CA8: variants seen among roughly 807,000 people sequenced by gnomAD.
CA8 encodes carbonic anhydrase-related protein.
A neutral mutation model predicts 41.4 loss-of-function variants in CA8; 22 were observed. The ratio of observed to expected loss-of-function variants is 0.53; its 90% CI spans 0.38 to 0.76. The LOEUF is 0.76. CA8 is among the 30% of genes least tolerant of loss of function. CA8 has a pLI of 0.00. For missense variants in CA8, 270 were observed against 352.8 expected (o/e 0.77, Z 1.88); for synonymous variants, 121 against 130.6 (o/e 0.93, Z 0.50).
At chr8:60,204,271 G>GA (rs1227546209) in intron 8 of CA8, among the ~76,000 whole-genome samples, 1 of 152,132 alleles carries the variant, frequency 6.6e-6, no homozygotes, top group Non-Finnish European at 1.5e-5. Flanking sequence ...TTTCCTTATG[G>GA]AAAAATATAT....
At chr8:60,269,331 T>C (rs1189149051) in intron 2 of CA8, among the ~76,000 whole-genome samples, 2 of 152,192 alleles carry the variant, frequency 1.3e-5, no homozygotes. Flanking sequence ...GGTCACTACA[T>C]GGCAGGTTTA....
chr8:60,209,446 T>C (rs56303871), intron 7 of CA8, among the ~76,000 whole-genome samples: 2,410 of 152,270 alleles, frequency 0.016, 76 homozygotes, highest in African/African-American at 0.055. Flanking sequence ...GATCACACCG[T>C]TGCACTCCAG....
chr8:60,264,390 C>G (rs7836637), intron 3 of CA8, among the ~76,000 whole-genome samples: 3 of 152,212 alleles, frequency 2.0e-5, no homozygotes, highest in African/African-American at 7.2e-5. Flanking sequence ...AGGGCAAAGG[C>G]GCTGACAGTC....
intron 2 of CA8, among the ~76,000 whole-genome samples, chr8:60,270,206 T>C (rs1218463047): frequency 6.6e-6 from 1 of 152,174 alleles, no homozygotes; most frequent in African/African-American, 2.4e-5. Context: ...TCGTGCAGTA[T>C]CTGCACAGAT....
chr8:60,265,358 A>G (rs1429195310), intron 3 of CA8: 3 of 156,708 alleles, frequency 1.9e-5, no homozygotes, highest in African/African-American at 7.2e-5. Flanking sequence ...AAACTAGAGA[A>G]AAGTCCCACA....
intron 8 of CA8, among the ~76,000 whole-genome samples, chr8:60,192,516 T>G (rs1806158905): frequency 6.6e-6 from 1 of 152,168 alleles, no homozygotes; most frequent in South Asian, 2.1e-4. Context: ...TGCCATGTGT[T>G]GGAAGTTTAC....
At chr8:60,238,885 T>A (rs1807924613) in intron 3 of CA8, among the ~76,000 whole-genome samples, 1 of 151,990 alleles carries the variant, frequency 6.6e-6, no homozygotes, top group African/African-American at 2.4e-5. Context: ...AGACAAATCC[T>A]ACCTGTCCTC....
At chr8:60,273,900 T>A (rs1265697601) in intron 2 of CA8, among the ~76,000 whole-genome samples, 1 of 152,234 alleles carries the variant, frequency 6.6e-6, no homozygotes, top group Non-Finnish European at 1.5e-5. Flanking sequence ...CCAGATGGGA[T>A]TATATATACA....
intron 3 of CA8, among the ~76,000 whole-genome samples, chr8:60,249,716 A>G (rs1190483153): frequency 6.6e-6 from 1 of 152,214 alleles, no homozygotes; most frequent in Non-Finnish European, 1.5e-5. Context: ...CCCAAAAATA[A>G]AGACATGAAG....
intron 4 of CA8, among the ~76,000 whole-genome samples, chr8:60,232,058 T>G (rs1490455068): frequency 1.3e-5 from 2 of 152,190 alleles, no homozygotes; most frequent in East Asian, 3.8e-4. Flanking sequence ...AGACCCTGAA[T>G]GCTACTCTGA....
chr8:60,243,579 A>G (rs1288008607), intron 3 of CA8, among the ~76,000 whole-genome samples: 2 of 152,000 alleles, frequency 1.3e-5, no homozygotes, highest in East Asian at 1.9e-4. Context: ...CTCTTGTCCC[A>G]TCAGTTTAGT....
At chr8:60,216,394 G>C (rs1488190400) in intron 7 of CA8, among the ~76,000 whole-genome samples, 3 of 152,212 alleles carry the variant, frequency 2.0e-5, no homozygotes, top group Non-Finnish European at 4.4e-5. Context: ...CCTCTGAACA[G>C]ATGCTATGAT....
intron 3 of CA8, among the ~76,000 whole-genome samples, chr8:60,255,430 T>C (rs146274653): frequency 0.013 from 1,980 of 152,338 alleles, 18 homozygotes; most frequent in Non-Finnish European, 0.02. Flanking sequence ...AAGGGATCTC[T>C]TTATTGGATC....
intron 7 of CA8, among the ~76,000 whole-genome samples, chr8:60,219,004 A>G (rs1011952660): frequency 3.8e-4 from 57 of 151,830 alleles, no homozygotes; most frequent in African/African-American, 1.3e-3. Flanking sequence ...AGTGCATTGC[A>G]CGGGGTCCTA....
At chr8:60,222,501 A>T in intron 7 of CA8, 148 bp downstream of exon 7, 1 of 684,328 alleles carries the variant, frequency 1.5e-6, no homozygotes, top group Non-Finnish European at 2.7e-6. Context: ...CCTTTCAATC[A>T]CTTTCACTAG....
chr8:60,189,391 A>G lies in CA8; in HGVS notation c.*630T>C, dbSNP rs1806049399. 1 of 152,184 alleles carries G rather than the reference A, an allele frequency of 6.6e-6. No individual in the cohort carries two copies. Among genetic ancestry groups the G allele is most frequent in the Non-Finnish European group, 1.5e-5 (1 of 68,024 alleles). The allele number at this position is 152,184 out of a possible 1,614,324, so 9.4% of individuals were successfully genotyped here. ...ATTCAGTTAAATCCTTCAACTATGTAGTAATACCTAAAGTGAGTATTATGT... is the reference window on the plus strand; with the variant it reads ...ATTCAGTTAAATCCTTCAACTATGTGGTAATACCTAAAGTGAGTATTATGT... On this transcript the variant is annotated 3_prime_UTR_variant, in exon 9 of 9. Transcript: ENST00000317995.
intron 8 of CA8, among the ~76,000 whole-genome samples, chr8:60,197,138 T>C (rs1400095269): frequency 6.6e-6 from 1 of 152,192 alleles, no homozygotes; most frequent in African/African-American, 2.4e-5. Context: ...GACCTAGTAA[T>C]CTCATTTCTA....
chr8:60,213,074 T>C (rs1244015518), intron 7 of CA8, among the ~76,000 whole-genome samples: 3 of 152,196 alleles, frequency 2.0e-5, no homozygotes, highest in Non-Finnish European at 4.4e-5. Flanking sequence ...CAGCCTTGTT[T>C]TTGCCTCATT....
At chr8:60,197,834 T>C (rs566604653) in intron 8 of CA8, among the ~76,000 whole-genome samples, 1 of 152,298 alleles carries the variant, frequency 6.6e-6, no homozygotes, top group Non-Finnish European at 1.5e-5. Flanking sequence ...AGGTAGGAGA[T>C]GTAAACTGAA....
Sources: gnomAD v4.1 joint callset for allele counts (sites outside exome capture counted in the v4.1 genomes callset) on GRCh38, gnomAD v4.1.1 for gene constraint, MANE v1.5 for transcripts, NCBI Gene and HGNC (gene_info 2026-07-23, HGNC 2026-07-21) for gene names.